Variants in MINK1 observed in about 807,000 individuals in gnomAD.
MINK1 encodes the protein misshapen-like kinase 1.
In MINK1, 46 loss-of-function variants were observed where a neutral mutation model predicts 178.4. The observed-to-expected ratio is 0.26, with a 90% CI of 0.20 to 0.33. The LOEUF is 0.33. Ranked by LOEUF, MINK1 falls within the 10% of genes least tolerant of loss-of-function variation. The pLI is 1.00. For synonymous variants in MINK1, 797 were observed against 709.7 expected, an observed-to-expected ratio of 1.12 and a Z score of -1.96; for missense variants, 1,366 against 1,814.9, an observed-to-expected ratio of 0.75 and a Z score of 4.49.
chr17:4,844,279 A>G (rs1910677185), intron 1 of MINK1, among the ~76,000 whole-genome samples: 1 of 152,102 alleles, frequency 6.6e-6, no homozygotes, highest in Non-Finnish European at 1.5e-5. Flanking sequence ...GGGATTACAA[A>G]TGTGAGCCAC....
intron 1 of MINK1, among the ~76,000 whole-genome samples, chr17:4,867,284 ACCT>A (rs775546526): frequency 3.5e-4 from 52 of 148,444 alleles, no homozygotes; most frequent in Non-Finnish European, 5.9e-4. Context: ...AGTGGCTCAT[ACCT>A]GTAATCTCAG....
At chr17:4,844,553 G>A in intron 1 of MINK1, 1 of 509,310 alleles carries the variant, frequency 2.0e-6, no homozygotes, top group Non-Finnish European at 3.9e-6. Flanking sequence ...TCTTTTTGAG[G>A]TGGGGAGAGT....
In MINK1 at chr17:4,887,231, G is replaced by C; in HGVS notation, c.1019+52G>C. 5 of 1,513,118 alleles carry C rather than the reference G, an allele frequency of 3.3e-6. No individual in the cohort carries two copies. The highest frequency in any genetic ancestry group is 2.4e-5 in the South Asian group (2 of 83,762). The allele number at this position is 1,513,118 out of a possible 1,614,324, so 93.7% of individuals were successfully genotyped here. A position where few individuals can be genotyped will look rare whatever the true frequency, so the allele number is the denominator to read the frequency against. ...TGGGGCGGTCATCGCTGAGTGGGGG[G>C]ACTACAGTGGTGCTTGGCTTTGGGG... On this transcript the variant is annotated intron_variant, in intron 11 of 31. Coordinates refer to ENST00000355280, the MANE Select transcript of MINK1 (RefSeq NM_153827.5). The surrounding 1 kb of genome is among the most constrained non-coding windows in gnomAD (Gnocchi z 7.6).
At chr17:4,865,937 C>T (rs1407259772) in intron 1 of MINK1, among the ~76,000 whole-genome samples, 4 of 151,810 alleles carry the variant, frequency 2.6e-5, no homozygotes, top group Non-Finnish European at 5.9e-5. Flanking sequence ...TGAGATGCAA[C>T]GAAAGAAAGA....
At chr17:4,850,926 C>T in intron 1 of MINK1, 1 of 429,976 alleles carries the variant, frequency 2.3e-6, no homozygotes, top group South Asian at 1.6e-5. Flanking sequence ...CCCCCTCCCA[C>T]TGCCATGCTG....
At chr17:4,897,144 C>T (rs1178910814) in intron 31 of MINK1, 60 bp from the exon 32 acceptor site, 3 of 1,422,022 alleles carry the variant, frequency 2.1e-6, no homozygotes, top group African/African-American at 1.4e-5. Context: ...CTTTCCCTCT[C>T]CCAGTTGAGA....
chr17:4,897,043 A>C, intron 31 of MINK1, 161 bp from the exon 32 acceptor site: 1 of 866,360 alleles, frequency 1.2e-6, no homozygotes, highest in Non-Finnish European at 1.8e-6. Context: ...CTAACATCCC[A>C]GCCTGCCTTT....
chr17:4,843,426 C>G (rs1910544816), intron 1 of MINK1, among the ~76,000 whole-genome samples: 1 of 151,132 alleles, frequency 6.6e-6, no homozygotes, highest in South Asian at 2.1e-4. Flanking sequence ...TGCAGTGAGC[C>G]TAGATTGCGT....
rs201175554 is a variant in MINK1 at position 4,892,199 on chromosome 17, C to G, written c.2052C>G (p.Ala684=). 2 of 1,598,028 alleles carry G rather than the reference C, an allele frequency of 1.3e-6. No individual in the cohort carries two copies. Among genetic ancestry groups the G allele is most frequent in the East Asian group, 2.3e-5 (1 of 43,978 alleles). ...CCACTGCCCTTAACACCAGTGGGGC[C>G]GGAGGGTCCCGGCCAGCCCAGGCAG... is the stretch of plus-strand genomic sequence containing the variant. The part of the protein sequence containing the change: ...SIATALNTSG[A]GGSRPAQAVR... The change falls in exon 17 of 32, where the codon GCC becomes GCG. Residue 684 remains alanine, a synonymous_variant. Coordinates refer to ENST00000355280, the MANE Select transcript of MINK1 (RefSeq NM_153827.5).
chr17:4,885,066 C>T lies in MINK1; in HGVS notation c.508+64C>T. 1 of 1,506,748 alleles carries T rather than the reference C, an allele frequency of 6.6e-7. No individual in the cohort carries two copies. The highest frequency in any genetic ancestry group is 9.2e-7 in the Non-Finnish European group (1 of 1,091,392). 93.3% of individuals were successfully genotyped at this position (1,506,748 alleles called of 1,614,324 possible). ...CCTCCAGAACAGAGAATGAGGGGCC[C>T]CTTTTTCTCTCTGGTGGCTCAGGCC... is the stretch of plus-strand genomic sequence containing the variant. On this transcript the variant is annotated intron_variant, in intron 6 of 31. Transcript: ENST00000355280. The surrounding 1 kb of genome is among the most constrained non-coding windows in gnomAD (Gnocchi z 5.0).
chr17:4,853,478 G>A (rs1756561711), intron 1 of MINK1, among the ~76,000 whole-genome samples: 1 of 147,472 alleles, frequency 6.8e-6, no homozygotes, highest in South Asian at 2.1e-4. Context: ...AGTGTGGTTG[G>A]TGGGGGAGTG....
Position 4,848,225 on chromosome 17 carries a change from A to G in MINK1, c.57+14585A>G, listed in dbSNP as rs148043765. On this transcript the variant is annotated intron_variant, in intron 1 of 31. Transcript: ENST00000355280. ...ACAGGGAATTGTTCCTTAGGGACAG[A>G]GAGGAACCTGGAATGGGGGACCTTC... Among the ~76,000 whole-genome samples the G allele has an allele frequency of 4.6e-3, 703 of 152,298 alleles. 6 individuals carry two copies. Among genetic ancestry groups the G allele is most frequent in the African/African-American group, 0.016 (673 of 41,552 alleles).
chr17:4,878,313 C>A lies in MINK1; in HGVS notation c.58-4C>A. The A allele has an allele frequency of 6.5e-7, 1 of 1,537,056 alleles. No individual in the cohort carries two copies. The highest frequency in any genetic ancestry group is 1.2e-5 in the South Asian group (1 of 84,054). On this transcript the variant is annotated splice_polypyrimidine_tract_variant and splice_region_variant and intron_variant, in intron 1 of 31. Transcript: ENST00000355280. ...CACAGTATTCTTCTGTCTCCTGCCC[C>A]TAGGACCCTGCTGGGATCTTTGAGC...
At chr17:4,859,903 T>C (rs563121438) in intron 1 of MINK1, among the ~76,000 whole-genome samples, 4 of 149,348 alleles carry the variant, frequency 2.7e-5, no homozygotes, top group African/African-American at 9.8e-5. Flanking sequence ...TTCATCTACA[T>C]GCAAAACCAA....
At chr17:4,881,399 C>A in intron 4 of MINK1, 142 bp downstream of exon 4, 1 of 914,862 alleles carries the variant, frequency 1.1e-6, no homozygotes, top group Non-Finnish European at 1.6e-6. Context: ...GTCCCTGGAC[C>A]CAGAGGGGCC....
Position 4,896,968 on chromosome 17 carries a change from C to T in MINK1, c.3915+155C>T, listed in dbSNP as rs770023879. The stretch of plus-strand genomic sequence containing the variant: ...GCAGTCAGCCACTACCACTGCCCTG[C>T]GCTCCCTTCAGATTCCGAGGACTTC... On this transcript the variant is annotated intron_variant, in intron 31 of 31. Transcript: ENST00000355280. This position sits in a 1 kb window ranked among gnomAD's most constrained non-coding sequence, Gnocchi z 4.6. 52 of 1,107,678 alleles carry T rather than the reference C, an allele frequency of 4.7e-5. No homozygotes were observed. Among genetic ancestry groups the T allele is most frequent in the African/African-American group, 1.7e-4 (11 of 62,886 alleles). The allele number at this position is 1,107,678 out of a possible 1,614,324, so 68.6% of individuals were successfully genotyped here.
intron 1 of MINK1, among the ~76,000 whole-genome samples, chr17:4,841,525 C>A (rs914591605): frequency 6.6e-6 from 1 of 151,220 alleles, no homozygotes; most frequent in East Asian, 1.9e-4. Context: ...ACAAAGCCCC[C>A]CCTCCGATTT....
In MINK1 at chr17:4,860,980, G is replaced by A. The variant is rs192146605; in HGVS notation, c.58-17337G>A. Reference sequence around the variant, plus strand: ...TCGTGCCCTCCCCTTGCCTGCCTCAGGCCACCAGCTTTGTGCCTCTTCTCT... The same window carrying A: ...TCGTGCCCTCCCCTTGCCTGCCTCAAGCCACCAGCTTTGTGCCTCTTCTCT... On this transcript the variant is annotated intron_variant, in intron 1 of 31. Transcript: ENST00000355280. Among the ~76,000 whole-genome samples, 550 of 152,302 alleles carry A rather than the reference G, an allele frequency of 3.6e-3. 2 individuals carry two copies. Among genetic ancestry groups the A allele is most frequent in the Non-Finnish European group, 6.1e-3 (417 of 68,020 alleles).
At chr17:4,846,060 GGAGT>G (rs1256161493) in intron 1 of MINK1, among the ~76,000 whole-genome samples, 1 of 152,236 alleles carries the variant, frequency 6.6e-6, no homozygotes, top group African/African-American at 2.4e-5. Flanking sequence ...AAAAAGGGAG[GGAGT>G]GACACACTTA....
Sources: allele counts gnomAD v4.1 joint callset (sites outside exome capture counted in the v4.1 genomes callset), GRCh38; gene constraint gnomAD v4.1.1; non-coding constraint Gnocchi (gnomAD v3.1); transcripts MANE v1.5; gene names NCBI Gene and HGNC (gene_info 2026-07-23, HGNC 2026-07-21).